The following ENAH variants were observed in gnomAD, a reference collection of about 807,000 sequenced individuals.
The protein encoded by ENAH is ENAH actin regulator, also known as protein enabled homolog.
In ENAH, 23 loss-of-function variants were observed where a neutral mutation model predicts 78.7. The observed-to-expected ratio is 0.29, with a 90% CI of 0.21 to 0.41. The LOEUF (loss-of-function observed/expected upper bound fraction) is 0.41. Ranked by LOEUF, ENAH falls within the 10% of genes least tolerant of loss-of-function variation. The pLI, the probability that ENAH is intolerant of heterozygous loss-of-function variation, is 1.00. For missense variants in ENAH, 544 were observed against 691.0 expected (o/e 0.79, Z 2.39); for synonymous variants, 226 against 241.0 (o/e 0.94, Z 0.58).
intron 2 of ENAH, among the ~76,000 whole-genome samples, chr1:225,566,817 TTTTTCTA>T (rs1487345242): frequency 1.3e-5 from 2 of 152,194 alleles, no homozygotes; most frequent in Non-Finnish European, 2.9e-5. Context: ...ATACCTACTA[TTTTTCTA>T]TCACATGTGA....
intron 3 of ENAH, among the ~76,000 whole-genome samples, chr1:225,542,316 T>C (rs766994762): frequency 2.6e-5 from 4 of 152,216 alleles, no homozygotes; most frequent in Non-Finnish European, 4.4e-5. Context: ...CCAGAGCTGG[T>C]TGAGAGAAGG....
chr1:225,608,326 T>C (rs2096968151), intron 1 of ENAH, among the ~76,000 whole-genome samples: 1 of 150,142 alleles, frequency 6.7e-6, no homozygotes, highest in Non-Finnish European at 1.5e-5. Flanking sequence ...CAGAGTCCAT[T>C]ACCAAAGAAA....
rs747263844 is a variant in ENAH at position 225,512,733 on chromosome 1, C to T, written c.1365-19G>A. The T allele has an allele frequency of 9.3e-6, 15 of 1,612,456 alleles. No individual in the cohort carries two copies. The highest frequency in any genetic ancestry group is 8.0e-5 in the African/African-American group (6 of 74,792). Reference sequence around the variant, plus strand: ...TCTTCTCCTACAAAGAAGGCAAATCCGATTTTTAAAAATATTATCTGATTC... The same window carrying T: ...TCTTCTCCTACAAAGAAGGCAAATCTGATTTTTAAAAATATTATCTGATTC... On this transcript the variant is annotated intron_variant, in intron 8 of 13. Coordinates refer to ENST00000366843, the MANE Select transcript of ENAH (RefSeq NM_018212.6).
intron 2 of ENAH, among the ~76,000 whole-genome samples, chr1:225,559,360 T>C (rs964343449): frequency 4.6e-5 from 7 of 152,190 alleles, no homozygotes; most frequent in African/African-American, 7.2e-5. Flanking sequence ...AATTTTGAAA[T>C]TGTGACGTAC....
chr1:225,517,930 G>A, intron 5 of ENAH: 1 of 1,550,276 alleles, frequency 6.5e-7, no homozygotes, highest in Non-Finnish European at 8.7e-7. Flanking sequence ...TGCTGAAGGA[G>A]GCTGGCAACT....
intron 1 of ENAH, among the ~76,000 whole-genome samples, chr1:225,647,086 C>T (rs1308854336): frequency 6.6e-6 from 1 of 151,884 alleles, no homozygotes; most frequent in South Asian, 2.1e-4. Context: ...ATTAGCTGGG[C>T]GTGGTGGCAC....
intron 1 of ENAH, among the ~76,000 whole-genome samples, chr1:225,633,499 A>G (rs536541576): frequency 2.3e-4 from 35 of 152,316 alleles, no homozygotes; most frequent in African/African-American, 7.5e-4. Flanking sequence ...GAAAGGTAAA[A>G]TAAGAGGCTA....
intron 3 of ENAH, among the ~76,000 whole-genome samples, chr1:225,541,492 G>A (rs1159951404): frequency 6.6e-6 from 1 of 152,052 alleles, no homozygotes; most frequent in Non-Finnish European, 1.5e-5. Flanking sequence ...GCACAACCCT[G>A]TGAATATACT....
At chr1:225,611,865 G>A (rs1175811903) in intron 1 of ENAH, among the ~76,000 whole-genome samples, 2 of 152,028 alleles carry the variant, frequency 1.3e-5, no homozygotes, top group Non-Finnish European at 2.9e-5. Flanking sequence ...AAACCACAAT[G>A]AAATCAAAAA....
intron 1 of ENAH, among the ~76,000 whole-genome samples, chr1:225,622,327 G>T (rs538521123): frequency 6.6e-6 from 1 of 152,270 alleles, no homozygotes; most frequent in South Asian, 2.1e-4. Flanking sequence ...TGTGACTCAA[G>T]CTTATAATCC....
rs1009076666 is a variant in ENAH, at chr1:225,508,508, T to C, written c.1472-491A>G. The stretch of plus-strand genomic sequence containing the variant: ...AAATAGTCCCTCTTGGGGAAAAAAA[T>C]AGGAACAACTCAAAATAAATATCAG... On this transcript the variant is annotated intron_variant, in intron 10 of 13. Coordinates refer to ENST00000366843, the MANE Select transcript of ENAH (RefSeq NM_018212.6). 1.3e-5 allele frequency: 2 copies of C among 152,228 alleles called. 1 individual carries two copies. The highest frequency in any genetic ancestry group is 2.9e-5 in the Non-Finnish European group (2 of 68,030). The allele number at this position is 152,228 out of a possible 1,614,324, so 9.4% of individuals were successfully genotyped here.
intron 1 of ENAH, among the ~76,000 whole-genome samples, chr1:225,598,409 A>G (rs1056658742): frequency 1.3e-5 from 2 of 152,122 alleles, no homozygotes; most frequent in African/African-American, 4.8e-5. Context: ...GACAGAAAGT[A>G]TATCGATAAT....
chr1:225,630,037 C>T (rs1313838282), intron 1 of ENAH, among the ~76,000 whole-genome samples: 1 of 152,094 alleles, frequency 6.6e-6, no homozygotes, highest in Non-Finnish European at 1.5e-5. Context: ...AAAGTAAGTC[C>T]TTTCTATATA....
At chr1:225,562,588 A>C (rs1390298722) in intron 2 of ENAH, among the ~76,000 whole-genome samples, 2 of 148,654 alleles carry the variant, frequency 1.3e-5, no homozygotes, top group Admixed American at 1.3e-4. Flanking sequence ...AAAAAAAAAA[A>C]AAAAAAAAAA....
chr1:225,652,292 A>G (rs1053449700), intron 1 of ENAH: 1 of 979,368 alleles, frequency 1.0e-6, no homozygotes, highest in African/African-American at 1.8e-5. Flanking sequence ...AGTGCATGAA[A>G]TTTTTACATA....
intron 1 of ENAH, among the ~76,000 whole-genome samples, chr1:225,598,851 CAA>C (rs547584715): frequency 1.4e-5 from 2 of 139,140 alleles, no homozygotes; most frequent in African/African-American, 2.6e-5. Flanking sequence ...TTGATTCAGG[CAA>C]AAAAAAAAAA....
intron 1 of ENAH, among the ~76,000 whole-genome samples, chr1:225,584,197 GTTCTT>G (rs1211232508): frequency 2.6e-5 from 4 of 152,162 alleles, no homozygotes; most frequent in African/African-American, 9.7e-5. Flanking sequence ...ATTGGACTGT[GTTCTT>G]TTAAGGTAAA....
At chr1:225,637,928 G>GA (rs891766024) in intron 1 of ENAH, among the ~76,000 whole-genome samples, 109 of 152,012 alleles carry the variant, frequency 7.2e-4, no homozygotes, top group African/African-American at 2.6e-3. Flanking sequence ...CTCAAAACAA[G>GA]AAAAAGCAAG....
At chr1:225,594,959 A>G (rs2147933460) in intron 1 of ENAH, among the ~76,000 whole-genome samples, 1 of 152,334 alleles carries the variant, frequency 6.6e-6, no homozygotes. Flanking sequence ...ACAGTATCAG[A>G]GCTATTTAAT....
Sources: gnomAD v4.1 joint callset for allele counts (sites outside exome capture counted in the v4.1 genomes callset) on GRCh38, gnomAD v4.1.1 for gene constraint, MANE v1.5 for transcripts, NCBI Gene and HGNC (gene_info 2026-07-23, HGNC 2026-07-21) for gene names.